Variants in KCNMA1 observed in about 807,000 individuals in gnomAD.
KCNMA1 encodes potassium calcium-activated channel subfamily M alpha 1.
In KCNMA1, 29 loss-of-function variants were observed where a neutral mutation model predicts 140.0. That is an observed-to-expected ratio of 0.21 (90% confidence interval 0.15 to 0.28). The LOEUF is 0.28. KCNMA1 is among the 10% of genes least tolerant of loss of function. KCNMA1 has a pLI of 1.00. For missense variants in KCNMA1, 880 were observed against 1,602.2 expected (o/e 0.55, Z 7.70); for synonymous variants, 612 against 611.9 (o/e 1.00, Z 0.00).
downstream of KCNMA1, chr10:76,875,407 T>C (rs2032192676): frequency 6.6e-6 from 1 of 152,028 alleles, no homozygotes; most frequent in African/African-American, 2.4e-5. Context: ...ATCCTAACTA[T>C]TATGATTTTT....
chr10:77,297,366 G>C (rs1276058384), intron 2 of KCNMA1, among the ~76,000 whole-genome samples: 1 of 152,166 alleles, frequency 6.6e-6, no homozygotes, highest in East Asian at 1.9e-4. Context: ...GATTTTTAAA[G>C]AGCTAAAGAT....
intron 1 of KCNMA1, among the ~76,000 whole-genome samples, chr10:77,441,147 C>T (rs1056841980): frequency 6.6e-5 from 10 of 152,036 alleles, no homozygotes; most frequent in Admixed American, 5.9e-4. Context: ...AAAGGGCCAG[C>T]TCTCATGTTT....
chr10:77,343,136 T>C (rs184668592), intron 2 of KCNMA1, among the ~76,000 whole-genome samples: 8 of 152,190 alleles, frequency 5.3e-5, no homozygotes, highest in East Asian at 1.9e-4. Context: ...CAGGTGAGCA[T>C]TGAGGCCGGG....
intron 2 of KCNMA1, among the ~76,000 whole-genome samples, chr10:77,270,243 C>T (rs146447805): frequency 1.3e-3 from 191 of 152,294 alleles, no homozygotes; most frequent in African/African-American, 4.0e-3. Context: ...AAATCCACAC[C>T]ATTTTTGAGC....
At chr10:77,610,980 T>G (rs1968013) in intron 1 of KCNMA1, among the ~76,000 whole-genome samples, 36,433 of 152,130 alleles carry the variant, frequency 0.24, 4,667 homozygotes, top group Middle Eastern at 0.37. Flanking sequence ...GCTTAAGCCA[T>G]GAGCTATGTG....
intron 8 of KCNMA1, 99 bp downstream of exon 8, chr10:77,110,074 G>T: frequency 9.5e-7 from 1 of 1,056,438 alleles, no homozygotes. Flanking sequence ...CTTGCTTCTA[G>T]TGCAGAATAC....
chr10:76,964,209 C>G (rs2072940366), intron 20 of KCNMA1, among the ~76,000 whole-genome samples: 2 of 151,926 alleles, frequency 1.3e-5, no homozygotes, highest in African/African-American at 4.8e-5. Flanking sequence ...ACTCTCAGGC[C>G]AGGCTGTAGC....
chr10:76,918,459 A>G (rs2053888787), intron 23 of KCNMA1, among the ~76,000 whole-genome samples: 1 of 152,238 alleles, frequency 6.6e-6, no homozygotes. Flanking sequence ...TTTGTGCTAA[A>G]AATGACTTCC....
intron 2 of KCNMA1, among the ~76,000 whole-genome samples, chr10:77,382,886 ATAT>A (rs1324917246): frequency 0.014 from 747 of 55,172 alleles, 28 homozygotes; most frequent in African/African-American, 0.034. Flanking sequence ...AAAAAAAAAA[ATAT>A]ATATATATAT....
intron 2 of KCNMA1, among the ~76,000 whole-genome samples, chr10:77,288,555 G>T (rs2071881755): frequency 6.6e-6 from 1 of 152,182 alleles, no homozygotes; most frequent in Non-Finnish European, 1.5e-5. Context: ...TGTGAAGGAG[G>T]TACTATTATC....
chr10:77,510,284 A>G (rs1314751628), intron 1 of KCNMA1, among the ~76,000 whole-genome samples: 4 of 151,994 alleles, frequency 2.6e-5, no homozygotes, highest in Admixed American at 2.6e-4. Flanking sequence ...TCAGTGTTTG[A>G]CAAATAAGGA....
chr10:77,039,359 G>A (rs1182776654), intron 15 of KCNMA1, 169 bp downstream of exon 15: 2 of 668,172 alleles, frequency 3.0e-6, no homozygotes, highest in Non-Finnish European at 5.5e-6. Context: ...CCAGGCAGAG[G>A]CCATGTAATG....
chr10:77,086,637 G>T (rs201619635), intron 10 of KCNMA1, 44 bp from the exon 11 acceptor site: 23 of 1,425,152 alleles, frequency 1.6e-5, no homozygotes, highest in Non-Finnish European at 2.2e-5. Flanking sequence ...AATGGACTCG[G>T]GGGTTTCAGC....
At chr10:77,012,376 G>T in intron 17 of KCNMA1, 1 of 1,512,646 alleles carries the variant, frequency 6.6e-7, no homozygotes, top group South Asian at 1.3e-5. Context: ...GGGGACATGT[G>T]GGCAATGAGC....
chr10:77,120,378 C>G (rs1442971748), intron 6 of KCNMA1, among the ~76,000 whole-genome samples: 1 of 152,118 alleles, frequency 6.6e-6, no homozygotes, highest in Non-Finnish European at 1.5e-5. Flanking sequence ...ATTCATGGTG[C>G]ATTCGGCAGG....
intron 19 of KCNMA1, among the ~76,000 whole-genome samples, chr10:76,976,300 G>C (rs941682853): frequency 6.6e-6 from 1 of 152,110 alleles, no homozygotes; most frequent in African/African-American, 2.4e-5. Flanking sequence ...AGACTTTAAG[G>C]AACAATAGGT....
chr10:77,600,630 C>A (rs573671656), intron 1 of KCNMA1, among the ~76,000 whole-genome samples: 10 of 152,128 alleles, frequency 6.6e-5, no homozygotes, highest in Admixed American at 2.0e-4. Context: ...TGCCTGTAAT[C>A]CCAGCTACTC....
intron 19 of KCNMA1, among the ~76,000 whole-genome samples, chr10:76,988,039 C>T (rs2153276999): frequency 6.6e-6 from 1 of 152,112 alleles, no homozygotes; most frequent in South Asian, 2.1e-4. Flanking sequence ...GTGCCACTGG[C>T]AATGGTGAGA....
At chr10:76,925,451 A>G (rs928726359) in intron 23 of KCNMA1, among the ~76,000 whole-genome samples, 1 of 152,198 alleles carries the variant, frequency 6.6e-6, no homozygotes, top group African/African-American at 2.4e-5. Flanking sequence ...ACATTACAAG[A>G]CAATGATATC....
Sources: gnomAD v4.1 joint callset for allele counts (sites outside exome capture counted in the v4.1 genomes callset) on GRCh38, gnomAD v4.1.1 for gene constraint, MANE v1.5 for transcripts, NCBI Gene and HGNC (gene_info 2026-07-23, HGNC 2026-07-21) for gene names.